The following RANBP2 variants were observed in gnomAD, a reference collection of about 807,000 sequenced individuals.
The protein encoded by RANBP2 is E3 SUMO-protein ligase RanBP2.
In RANBP2, 57 loss-of-function variants were observed where a neutral mutation model predicts 303.6. The observed-to-expected ratio is 0.19, with a 90% confidence interval of 0.15 to 0.23. RANBP2 has a LOEUF of 0.23. RANBP2 is among the 10% of genes least tolerant of loss of function. RANBP2 has a pLI of 1.00. For synonymous variants in RANBP2, 1,167 were observed against 1,301.5 expected (o/e 0.90, Z 2.23); for missense variants, 3,138 against 3,780.8 (o/e 0.83, Z 4.46).
At chr2:109,395,637 C>G in the RANBP2 span, among the ~76,000 whole-genome samples, 1 of 152,230 alleles carries the variant, frequency 6.6e-6, no homozygotes, top group Admixed American at 6.5e-5. Flanking sequence ...CCCACCCTCA[C>G]TCTCTGTCTC....
chr2:109,129,809 A>G, the RANBP2 span: 1 of 1,538,266 alleles, frequency 6.5e-7, no homozygotes, highest in South Asian at 1.2e-5. Flanking sequence ...TGCTCGCGCC[A>G]CGAGCTGCGC....
chr2:109,238,106 A>G, the RANBP2 span, among the ~76,000 whole-genome samples: 1 of 152,202 alleles, frequency 6.6e-6, no homozygotes, highest in Non-Finnish European at 1.5e-5. Flanking sequence ...GAGCTGAGGC[A>G]GGAGCATTTC....
At chr2:108,932,266 C>T in the RANBP2 span, among the ~76,000 whole-genome samples, 1 of 152,080 alleles carries the variant, frequency 6.6e-6, no homozygotes, top group Non-Finnish European at 1.5e-5. Flanking sequence ...CGGTGGCTCA[C>T]ACCTGTAATC....
chr2:109,248,397 C>T, the RANBP2 span, among the ~76,000 whole-genome samples: 1 of 152,120 alleles, frequency 6.6e-6, no homozygotes, highest in East Asian at 1.9e-4. Context: ...TGTGTTATCG[C>T]TCTCATTTTT....
At chr2:109,206,490 CAAA>C in the RANBP2 span, among the ~76,000 whole-genome samples, 2 of 40,756 alleles carry the variant, frequency 4.9e-5, no homozygotes, top group African/African-American at 2.0e-4. Flanking sequence ...GACTCCGTCT[CAAA>C]AAAAAAAAAA....
the RANBP2 span, among the ~76,000 whole-genome samples, chr2:109,710,459 G>A: frequency 6.6e-6 from 1 of 151,872 alleles, no homozygotes; most frequent in Non-Finnish European, 1.5e-5. Context: ...ACATGAATTT[G>A]TGTGAAATTG....
chr2:109,405,980 C>G, the RANBP2 span, among the ~76,000 whole-genome samples: 1 of 152,232 alleles, frequency 6.6e-6, no homozygotes, highest in African/African-American at 2.4e-5. Context: ...ACTGTGTGGC[C>G]TTCCCCAACT....
chr2:109,552,725 C>G, the RANBP2 span: 1 of 199,512 alleles, frequency 5.0e-6, no homozygotes, highest in African/African-American at 2.4e-5. Flanking sequence ...GACAAACCAC[C>G]ACTGAGACTG....
chr2:108,842,428 A>G, the RANBP2 span, among the ~76,000 whole-genome samples: 3 of 152,200 alleles, frequency 2.0e-5, no homozygotes, highest in East Asian at 5.8e-4. Context: ...ACAGGCAGGG[A>G]GAGAGAGCGA....
At chr2:109,295,023 T>G in the RANBP2 span, among the ~76,000 whole-genome samples, 2 of 152,382 alleles carry the variant, frequency 1.3e-5, no homozygotes, top group East Asian at 3.9e-4. Flanking sequence ...GGATTAGCCA[T>G]CGCTATGAAT....
At chr2:109,066,397 G>T in the RANBP2 span, among the ~76,000 whole-genome samples, 71 of 152,246 alleles carry the variant, frequency 4.7e-4, no homozygotes, top group African/African-American at 1.7e-3. Context: ...GTGAGCCACC[G>T]TGCTGGCCGT....
At chr2:109,123,404 G>A in the RANBP2 span, among the ~76,000 whole-genome samples, 1 of 129,880 alleles carries the variant, frequency 7.7e-6, no homozygotes, top group Non-Finnish European at 1.6e-5. Context: ...CCCTTCCCCT[G>A]AAGCACAGTG....
the RANBP2 span, among the ~76,000 whole-genome samples, chr2:109,296,672 G>A: frequency 6.6e-6 from 1 of 152,168 alleles, no homozygotes; most frequent in African/African-American, 2.4e-5. Flanking sequence ...CTTTGCTCCT[G>A]TGGGTGGAGG....
At chr2:108,896,982 C>T in the RANBP2 span, 15 of 1,613,638 alleles carry the variant, frequency 9.3e-6, no homozygotes, top group African/African-American at 1.3e-4. Context: ...ACAAGGACTC[C>T]ACAGCATCCA....
the RANBP2 span, among the ~76,000 whole-genome samples, chr2:109,720,826 C>T: frequency 6.6e-6 from 1 of 152,234 alleles, no homozygotes; most frequent in East Asian, 1.9e-4. Flanking sequence ...GACCTCACAG[C>T]AGGGCACTGC....
the RANBP2 span, among the ~76,000 whole-genome samples, chr2:109,691,124 C>T: frequency 6.6e-6 from 1 of 152,128 alleles, no homozygotes; most frequent in Non-Finnish European, 1.5e-5. Flanking sequence ...GCTAAAAATA[C>T]GTAGGAATGA....
chr2:109,709,021 G>T, the RANBP2 span, among the ~76,000 whole-genome samples: 1 of 149,540 alleles, frequency 6.7e-6, no homozygotes, highest in African/African-American at 2.5e-5. Context: ...ATAAAAATGG[G>T]GCCAGGTGCA....
At chr2:109,032,784 A>G in the RANBP2 span, among the ~76,000 whole-genome samples, 2 of 152,370 alleles carry the variant, frequency 1.3e-5, no homozygotes, top group East Asian at 3.9e-4. Flanking sequence ...GAATGGAACA[A>G]TAATTTCCCT....
chr2:109,470,224 G>C, the RANBP2 span, among the ~76,000 whole-genome samples: 2 of 152,198 alleles, frequency 1.3e-5, no homozygotes, highest in Non-Finnish European at 2.9e-5. Context: ...GATTACTTTG[G>C]AATGACTTAT....
Sources: allele counts gnomAD v4.1 joint callset (sites outside exome capture counted in the v4.1 genomes callset), GRCh38; gene constraint gnomAD v4.1.1; transcripts MANE v1.5; gene names NCBI Gene and HGNC (gene_info 2026-07-23, HGNC 2026-07-21).